Variants in GNS observed in about 807,000 individuals in gnomAD.
The protein encoded by GNS is N-acetylglucosamine-6-sulfatase.
Under a neutral mutation model 69.7 loss-of-function variants are expected in GNS, and 40 were observed. The observed-to-expected ratio is 0.57, with a 90% CI of 0.45 to 0.75. The LOEUF (loss-of-function observed/expected upper bound fraction) is 0.75, where lower values mean the gene tolerates loss of function less well. Ranked by LOEUF, GNS falls within the 30% of genes least tolerant of loss-of-function variation. The probability of loss-of-function intolerance (pLI) is 0.00; values close to 1 mark genes in which losing one functional copy is unlikely to be tolerated. For synonymous variants in GNS, 243 were observed against 251.6 expected, an observed-to-expected ratio of 0.97 and a Z score of 0.32; for missense variants, 565 against 685.5, an observed-to-expected ratio of 0.82 and a Z score of 1.96.
At chr12:64,758,577 C>T (rs564747109) in intron 1 of GNS, among the ~76,000 whole-genome samples, 2 of 152,214 alleles carry the variant, frequency 1.3e-5, no homozygotes, top group East Asian at 1.9e-4. Flanking sequence ...CCCGCCTCGG[C>T]CTCCCAAAGT....
chr12:64,750,171 C>A (rs189697349), intron 2 of GNS, among the ~76,000 whole-genome samples: 1 of 152,054 alleles, frequency 6.6e-6, no homozygotes. Flanking sequence ...CTCAGCCTCC[C>A]AAGTAGCTGG....
At position 64,732,153 on chromosome 12, in the gene GNS, ATTTTTTTTTTTTGTTG is replaced by A. The variant is rs1316827564; in HGVS notation, c.1099-3112_1099-3097del. The stretch of plus-strand genomic sequence containing the variant: ...AGGCACCTGCCACCACACCTGGCTA[ATTTTTTTTTTTTGTTG>A]TTTTTTTTTTTTTTTTGAGACGGAG... On this transcript the variant is annotated intron_variant, in intron 9 of 13. Coordinates refer to ENST00000258145, the MANE Select transcript of GNS (RefSeq NM_002076.4). Among the ~76,000 whole-genome samples, 7 of 88,756 alleles carry A rather than the reference ATTTTTTTTTTTTGTTG, an allele frequency of 7.9e-5. 1 individual carries two copies. The South Asian group carries it at 2.9e-3, about 36-fold the overall frequency. The allele number at this position is 88,756 out of a possible 152,430, so 58.2% of individuals were successfully genotyped here. A position where few individuals can be genotyped will look rare whatever the true frequency, so the allele number is the denominator to read the frequency against.
chr12:64,745,577 A>T (rs1006100172), intron 4 of GNS, 82 bp downstream of exon 4: 8 of 878,390 alleles, frequency 9.1e-6, no homozygotes, highest in Middle Eastern at 2.2e-4. Flanking sequence ...AAATAAAGTT[A>T]TGTCAATATC....
intron 12 of GNS, among the ~76,000 whole-genome samples, 199 bp from the exon 13 acceptor site, chr12:64,720,381 T>C (rs1456295341): frequency 6.6e-6 from 1 of 152,056 alleles, no homozygotes. Flanking sequence ...GCATCTGTTC[T>C]GGGGGTTCAG....
chr12:64,758,012 G>A (rs1870314923), intron 1 of GNS, among the ~76,000 whole-genome samples: 1 of 152,210 alleles, frequency 6.6e-6, no homozygotes, highest in Non-Finnish European at 1.5e-5. Flanking sequence ...AGAGGACTCT[G>A]CCTCAACTAC....
intron 4 of GNS, 54 bp from the exon 5 acceptor site, chr12:64,744,961 G>A: frequency 4.9e-6 from 4 of 808,350 alleles, no homozygotes; most frequent in Non-Finnish European, 8.9e-6. Flanking sequence ...CAAAGTGGAA[G>A]TCTGAATCCG....
At chr12:64,751,824 T>C (rs1870085709) in intron 2 of GNS, among the ~76,000 whole-genome samples, 1 of 151,562 alleles carries the variant, frequency 6.6e-6, no homozygotes, top group Non-Finnish European at 1.5e-5. Context: ...CCATCTCTAC[T>C]GAAAATACAA....
chr12:64,757,646 C>G (rs1592512800), intron 1 of GNS, among the ~76,000 whole-genome samples: 2 of 152,220 alleles, frequency 1.3e-5, no homozygotes, highest in African/African-American at 4.8e-5. Context: ...GAGCATCAAC[C>G]TAAGAAATAT....
chr12:64,726,379 T>C (rs2136239310), intron 10 of GNS, among the ~76,000 whole-genome samples: 1 of 150,610 alleles, frequency 6.6e-6, no homozygotes, highest in South Asian at 2.1e-4. Context: ...TACAAGAAAA[T>C]AAATTTTAGA....
rs537875373 is a variant in GNS at position 64,744,555 on chromosome 12, A to T, written c.624+254T>A. Among the ~76,000 whole-genome samples the T allele has an allele frequency of 3.8e-4, 58 of 152,244 alleles. No individual in the cohort carries two copies. The South Asian group carries it at 7.5e-3, about 20-fold the overall frequency. On this transcript the variant is annotated intron_variant, in intron 5 of 13. Coordinates refer to ENST00000258145, the MANE Select transcript of GNS (RefSeq NM_002076.4). Reference sequence around the variant, plus strand: ...TCTACAAAGTAATCTCTGTAGTCGAAGAGATTAACCTTTGGAAAAGGGATT... The same window carrying T: ...TCTACAAAGTAATCTCTGTAGTCGATGAGATTAACCTTTGGAAAAGGGATT...
intron 1 of GNS, among the ~76,000 whole-genome samples, chr12:64,756,297 C>A (rs1034692278): frequency 2.0e-5 from 3 of 152,128 alleles, no homozygotes; most frequent in African/African-American, 7.2e-5. Context: ...AATCTGTAAT[C>A]TTTTTTAGGT....
chr12:64,754,469 G>C (rs1405057916), intron 1 of GNS, among the ~76,000 whole-genome samples: 2 of 152,148 alleles, frequency 1.3e-5, no homozygotes, highest in African/African-American at 4.8e-5. Flanking sequence ...AGGAAGGAGA[G>C]AGGCACCTGG....
At chr12:64,731,170 A>G (rs1195705835) in intron 9 of GNS, among the ~76,000 whole-genome samples, 1 of 152,190 alleles carries the variant, frequency 6.6e-6, no homozygotes, top group Non-Finnish European at 1.5e-5. Flanking sequence ...TTGACCTCCC[A>G]GACTCAACTG....
At chr12:64,738,663 AT>A (rs1303778305) in intron 8 of GNS, among the ~76,000 whole-genome samples, 4 of 151,976 alleles carry the variant, frequency 2.6e-5, no homozygotes, top group Admixed American at 2.6e-4. Context: ...AAATACAAAA[AT>A]TGGCCAGGCG....
intron 10 of GNS, among the ~76,000 whole-genome samples, chr12:64,723,782 T>C (rs983255846): frequency 2.6e-5 from 4 of 152,218 alleles, no homozygotes; most frequent in Admixed American, 2.6e-4. Context: ...ACCACTTAGA[T>C]GTGTGGCTTC....
At chr12:64,745,857 C>G (rs1869883726) in intron 3 of GNS, 133 bp from the exon 4 acceptor site, 1 of 702,502 alleles carries the variant, frequency 1.4e-6, no homozygotes. Context: ...CAAATAGACA[C>G]TAGTCAAAAA....
At chr12:64,759,040 G>A in intron 1 of GNS, 45 bp downstream of exon 1, 3 of 1,454,536 alleles carry the variant, frequency 2.1e-6, no homozygotes, top group Non-Finnish European at 2.8e-6. Context: ...AAACCGGGTA[G>A]TCAGCCCAAG....
intron 6 of GNS, among the ~76,000 whole-genome samples, chr12:64,741,147 C>T (rs1192383234): frequency 6.2e-5 from 1 of 16,154 alleles, no homozygotes; most frequent in Non-Finnish European, 9.3e-5. Context: ...GCGGAGCTTG[C>T]AGTGAGCCGA....
At chr12:64,720,399 G>A (rs889778363) in intron 12 of GNS, among the ~76,000 whole-genome samples, 3 of 152,240 alleles carry the variant, frequency 2.0e-5, no homozygotes, top group African/African-American at 7.2e-5. Context: ...CAGTTGCTTC[G>A]GGTCTCTAGC....
Sources: allele counts gnomAD v4.1 joint callset (sites outside exome capture counted in the v4.1 genomes callset), GRCh38; gene constraint gnomAD v4.1.1; transcripts MANE v1.5; gene names NCBI Gene and HGNC (gene_info 2026-07-23, HGNC 2026-07-21).